The following EBF4 variants were observed in gnomAD, a reference collection of about 807,000 sequenced individuals.
The protein encoded by EBF4 is transcription factor COE4.
Under a neutral mutation model 67.1 loss-of-function variants are expected in EBF4, and 34 were observed. That is an observed-to-expected ratio of 0.51 (90% CI 0.39 to 0.67). EBF4 has a LOEUF of 0.67. Ranked by LOEUF, EBF4 falls within the 30% of genes least tolerant of loss-of-function variation. EBF4 has a pLI of 0.00. For synonymous variants in EBF4, 387 were observed against 377.7 expected (o/e 1.02, Z -0.29); for missense variants, 837 against 873.3 (o/e 0.96, Z 0.52).
chr20:2,701,669 C>T (rs186411304), intron 1 of EBF4, among the ~76,000 whole-genome samples: 59 of 152,358 alleles, frequency 3.9e-4, no homozygotes, highest in Non-Finnish European at 7.4e-4. Context: ...TATTTCTCAG[C>T]ACCCACCACT....
chr20:2,710,009 T>C (rs530797997), intron 6 of EBF4, among the ~76,000 whole-genome samples: 121 of 152,332 alleles, frequency 7.9e-4, no homozygotes, highest in African/African-American at 2.9e-3. Flanking sequence ...AGGTTCCCAG[T>C]TCACCCCTGT....
At position 2,737,821 on chromosome 20, in the gene EBF4, A is replaced by G. The variant is rs1480420777; in HGVS notation, c.558-10728A>G. ...CCCCGTCTCTACTAAAAATGTGAAA[A>G]AAAAAAAAAAAATGGCACCTGTAGT... On this transcript the variant is annotated intron_variant, in intron 6 of 16. Transcript: ENST00000609451. 2.8e-4 allele frequency among the ~76,000 whole-genome samples: 17 copies of G among 60,764 alleles called. No homozygotes were observed. In the Admixed American group the frequency reaches 3.0e-3, roughly 11 times the overall value. The allele number at this position is 60,764 out of a possible 152,430, so 39.9% of individuals were successfully genotyped here. A position where few individuals can be genotyped will look rare whatever the true frequency, so the allele number is the denominator to read the frequency against.
At chr20:2,722,301 A>G (rs555907521) in intron 6 of EBF4, among the ~76,000 whole-genome samples, 1 of 151,696 alleles carries the variant, frequency 6.6e-6, no homozygotes, top group South Asian at 2.1e-4. Flanking sequence ...ACTCTACCCA[A>G]TGCCCTATGA....
In EBF4 at chr20:2,752,609, C is replaced by T. The variant is rs1264395971; in HGVS notation, c.1540+64C>T. On this transcript the variant is annotated intron_variant, in intron 14 of 16. Transcript: ENST00000609451. Reference sequence around the variant, plus strand: ...GGGAGCGGAACGGGACTCAGCCCCGCCCCCGCCCATCCCGGAGAGGTTGGG... The same window carrying T: ...GGGAGCGGAACGGGACTCAGCCCCGTCCCCGCCCATCCCGGAGAGGTTGGG... 5.1e-6 allele frequency: 6 copies of T among 1,176,092 alleles called. No individual in the cohort carries two copies. In the African/African-American group the frequency reaches 6.3e-5, roughly 12 times the overall value. 72.9% of individuals were successfully genotyped at this position (1,176,092 alleles called of 1,614,324 possible).
intron 1 of EBF4, among the ~76,000 whole-genome samples, chr20:2,703,872 C>T (rs557047466): frequency 3.9e-5 from 6 of 152,240 alleles, no homozygotes; most frequent in African/African-American, 1.2e-4. Context: ...GAGCTGGGGC[C>T]GCAGTCGTCT....
intron 6 of EBF4, among the ~76,000 whole-genome samples, chr20:2,735,001 C>T (rs1424309560): frequency 6.6e-6 from 1 of 152,166 alleles, no homozygotes; most frequent in Non-Finnish European, 1.5e-5. Flanking sequence ...TTTCAGAGCC[C>T]CTGTGAACAT....
intron 6 of EBF4, among the ~76,000 whole-genome samples, chr20:2,736,592 C>G (rs2087880169): frequency 1.3e-5 from 2 of 152,208 alleles, no homozygotes; most frequent in South Asian, 4.1e-4. Flanking sequence ...CTGTCCAGAT[C>G]CATTCTGGCA....
intron 6 of EBF4, among the ~76,000 whole-genome samples, chr20:2,732,234 C>G (rs888942948): frequency 6.6e-6 from 1 of 152,122 alleles, no homozygotes; most frequent in Non-Finnish European, 1.5e-5. Context: ...GATTCTGCCA[C>G]CTCAGCCCCC....
chr20:2,702,985 G>A (rs2087397556), intron 1 of EBF4, among the ~76,000 whole-genome samples: 1 of 152,114 alleles, frequency 6.6e-6, no homozygotes, highest in African/African-American at 2.4e-5. Flanking sequence ...TAAGCAGGGT[G>A]TGTTAGTTGG....
intron 6 of EBF4, among the ~76,000 whole-genome samples, chr20:2,721,675 G>A (rs922451307): frequency 6.6e-6 from 1 of 152,054 alleles, no homozygotes; most frequent in Non-Finnish European, 1.5e-5. Context: ...GGCTGGTCTC[G>A]AAATCCTGAC....
rs143157160 is a variant in EBF4 at position 2,696,385 on chromosome 20, T to C, written c.137+2603T>C. ...TACTTGGGAGGCTGAGGTGGGAGGA[T>C]TGCTTGAGCCCGGGAGGCAGAGGCT... On this transcript the variant is annotated intron_variant, in intron 1 of 16. Coordinates refer to ENST00000609451, the Ensembl canonical transcript of EBF4. The surrounding 1 kb of genome is among the most constrained non-coding windows in gnomAD (Gnocchi z 4.7). 6.6e-6 allele frequency among the ~76,000 whole-genome samples: 1 copy of C among 152,082 alleles called. No individual in the cohort carries two copies. Among genetic ancestry groups the C allele is most frequent in the African/African-American group, 2.4e-5 (1 of 41,390 alleles).
intron 6 of EBF4, among the ~76,000 whole-genome samples, chr20:2,725,223 AT>A (rs918657760): frequency 7.2e-5 from 11 of 152,254 alleles, no homozygotes; most frequent in African/African-American, 2.6e-4. Flanking sequence ...TCCTCCATGT[AT>A]CCTAAACAAT....
intron 14 of EBF4, among the ~76,000 whole-genome samples, chr20:2,753,935 G>A (rs926904492): frequency 4.7e-5 from 3 of 63,730 alleles, no homozygotes; most frequent in African/African-American, 1.9e-4. Context: ...TTCTGGGGCA[G>A]TACCCTCACA....
At chr20:2,713,974 A>G (rs774900200) in intron 6 of EBF4, among the ~76,000 whole-genome samples, 4 of 152,230 alleles carry the variant, frequency 2.6e-5, no homozygotes, top group African/African-American at 9.6e-5. Context: ...GTCTATACTG[A>G]CATTGAAATA....
chr20:2,705,476 T>C, intron 1 of EBF4, 101 bp from the exon 2 acceptor site: 1 of 1,502,164 alleles, frequency 6.7e-7, no homozygotes, highest in Non-Finnish European at 9.0e-7. Context: ...CTTGGCATCT[T>C]GGAGCCATGT....
intron 6 of EBF4, among the ~76,000 whole-genome samples, chr20:2,736,999 C>G (rs914164682): frequency 8.5e-5 from 13 of 152,188 alleles, no homozygotes; most frequent in South Asian, 6.2e-4. Flanking sequence ...CTTGTAATCC[C>G]AGCACTTTGG....
rs762200136 is a variant in EBF4, at chr20:2,736,988, G to A, written c.558-11561G>A. Among the ~76,000 whole-genome samples the A allele has an allele frequency of 1.7e-4, 26 of 152,022 alleles. No individual in the cohort carries two copies. In the South Asian group the frequency reaches 4.1e-3, roughly 24 times the overall value. On this transcript the variant is annotated intron_variant, in intron 6 of 16. Transcript: ENST00000609451. ...AAGAGGACCGGGCGCGGTGGCTCAC[G>A]CTTGTAATCCCAGCACTTTGGGAGG...
At chr20:2,757,995 C>G (rs2088271706) in intron 15 of EBF4, among the ~76,000 whole-genome samples, 1 of 152,090 alleles carries the variant, frequency 6.6e-6, no homozygotes. Flanking sequence ...CAAATATATG[C>G]CAAAGATTTA....
At chr20:2,734,378 A>T (rs1028534496) in intron 6 of EBF4, among the ~76,000 whole-genome samples, 1 of 152,230 alleles carries the variant, frequency 6.6e-6, no homozygotes. Flanking sequence ...ACTGCACTTC[A>T]GCCTGGGCAA....
Sources: allele counts gnomAD v4.1 joint callset (sites outside exome capture counted in the v4.1 genomes callset), GRCh38; gene constraint gnomAD v4.1.1; non-coding constraint Gnocchi (gnomAD v3.1); transcripts MANE v1.5; gene names NCBI Gene and HGNC (gene_info 2026-07-23, HGNC 2026-07-21).